Variants in EGFR observed in about 807,000 individuals in gnomAD.
EGFR encodes epidermal growth factor receptor, also known as avian erythroblastic leukemia viral (v-erb-b) oncogene homolog.
Under a neutral mutation model 143.0 loss-of-function variants are expected in EGFR, and 58 were observed. The ratio of observed to expected loss-of-function variants is 0.41; its 90% confidence interval spans 0.33 to 0.50. The LOEUF (loss-of-function observed/expected upper bound fraction) is 0.50. EGFR is among the 20% of genes least tolerant of loss of function. The pLI is 0.39. For synonymous variants in EGFR, 613 were observed against 594.4 expected (o/e 1.03, Z -0.45); for missense variants, 1,307 against 1,579.0 (o/e 0.83, Z 2.92).
chr7:55,172,857 T>C (rs1400735263), intron 16 of EGFR, 126 bp from the exon 17 acceptor site: 2 of 1,599,692 alleles, frequency 1.3e-6, no homozygotes, highest in East Asian at 2.2e-5. Context: ...AGCTACATAG[T>C]GTCTCACTTT....
At chr7:55,191,579 C>A (rs1254790936) in intron 20 of EGFR, 140 bp from the exon 21 acceptor site, 1 of 1,031,304 alleles carries the variant, frequency 9.7e-7, no homozygotes, top group Non-Finnish European at 1.5e-6. Flanking sequence ...TTCTTTGGAT[C>A]AGTAGTCACT....
intron 27 of EGFR, chr7:55,202,941 A>ATG (rs912260314): frequency 1.8e-5 from 11 of 614,152 alleles, no homozygotes; most frequent in East Asian, 2.8e-5. Context: ...ACATCTGTGT[A>ATG]TGTGTGTGTG....
At chr7:55,024,967 T>C (rs1786796299) in intron 1 of EGFR, among the ~76,000 whole-genome samples, 1 of 152,196 alleles carries the variant, frequency 6.6e-6, no homozygotes, top group African/African-American at 2.4e-5. Context: ...TTGAGCTATT[T>C]GGTTATATGA....
chr7:55,122,129 A>C (rs1793245138), intron 1 of EGFR, among the ~76,000 whole-genome samples: 1 of 152,150 alleles, frequency 6.6e-6, no homozygotes, highest in Non-Finnish European at 1.5e-5. Context: ...ACCCCACCAT[A>C]ACTGGGAAGG....
rs557796159 is a variant in EGFR, at chr7:55,144,210, C to T, written c.424+722C>T. Among the ~76,000 whole-genome samples the T allele has an allele frequency of 8.4e-4, 128 of 152,286 alleles. 1 individual carries two copies. Among genetic ancestry groups the T allele is most frequent in the African/African-American group, 2.9e-3 (121 of 41,560 alleles). On this transcript the variant is annotated intron_variant, in intron 3 of 27. Transcript: ENST00000275493. Reference sequence around the variant, plus strand: ...GATGGCATCCTATCTGGCTGGACCCCGCCGAGGGTGAAGGCGTCATTAGGT... The same window carrying T: ...GATGGCATCCTATCTGGCTGGACCCTGCCGAGGGTGAAGGCGTCATTAGGT...
At chr7:55,169,865 G>A (rs183948155) in intron 15 of EGFR, among the ~76,000 whole-genome samples, 3 of 152,324 alleles carry the variant, frequency 2.0e-5, no homozygotes, top group African/African-American at 7.2e-5. Context: ...CATTTTCAGA[G>A]CCTGCATAAG....
At chr7:55,036,173 T>C (rs1787557348) in intron 1 of EGFR, among the ~76,000 whole-genome samples, 1 of 150,408 alleles carries the variant, frequency 6.6e-6, no homozygotes, top group African/African-American at 2.4e-5. Flanking sequence ...CACTGATTCG[T>C]TGAACAAACC....
chr7:55,111,371 T>C (rs1243124261), intron 1 of EGFR, among the ~76,000 whole-genome samples: 1 of 85,378 alleles, frequency 1.2e-5, no homozygotes, highest in Non-Finnish European at 2.4e-5. Flanking sequence ...GACGTTTTGT[T>C]TTTTTTTTTT....
chr7:55,052,768 CGGGTGGGAATGGAG>C (rs1788563672), intron 1 of EGFR, among the ~76,000 whole-genome samples: 2 of 152,136 alleles, frequency 1.3e-5, no homozygotes, highest in African/African-American at 4.8e-5. Flanking sequence ...TCAAGGGCTC[CGGGTGGGAATGGAG>C]CTGGGGGCTG....
intron 21 of EGFR, 53 bp downstream of exon 21, chr7:55,191,927 C>G (rs2128964849): frequency 6.2e-7 from 1 of 1,608,472 alleles, no homozygotes; most frequent in Non-Finnish European, 8.5e-7. Flanking sequence ...AGGGACCAGG[C>G]TGCCTTCCCA....
chr7:55,152,411 G>A (rs1785202060), intron 5 of EGFR, 135 bp from the exon 6 acceptor site: 1 of 842,062 alleles, frequency 1.2e-6, no homozygotes, highest in Admixed American at 1.7e-5. Context: ...GTTTGACTTA[G>A]TTTGAATGTG....
intron 11 of EGFR, among the ~76,000 whole-genome samples, chr7:55,158,997 G>A (rs1266410737): frequency 6.6e-6 from 1 of 152,238 alleles, no homozygotes; most frequent in Non-Finnish European, 1.5e-5. Flanking sequence ...TTCATCCAGT[G>A]CTCTCAGCTG....
chr7:55,202,771 G>A (rs189075366), intron 27 of EGFR, 146 bp downstream of exon 27: 23 of 757,288 alleles, frequency 3.0e-5, no homozygotes, highest in South Asian at 1.6e-4. Flanking sequence ...AGTGAAGGGC[G>A]TAAGGAGCAG....
intron 22 of EGFR, among the ~76,000 whole-genome samples, chr7:55,196,557 C>G (rs1787627108): frequency 6.6e-6 from 1 of 152,096 alleles, no homozygotes. Flanking sequence ...GCTTTTGTTG[C>G]AATTGCTTGA....
At chr7:55,163,635 C>A in intron 13 of EGFR, 98 bp from the exon 14 acceptor site, 2 of 1,021,012 alleles carry the variant, frequency 2.0e-6, no homozygotes, top group East Asian at 2.4e-5. Context: ...AACTCCTTGA[C>A]CATTACCTCA....
intron 1 of EGFR, among the ~76,000 whole-genome samples, chr7:55,074,726 C>T (rs1790038740): frequency 6.6e-6 from 1 of 152,154 alleles, no homozygotes; most frequent in Non-Finnish European, 1.5e-5. Context: ...AGTGAAAGGA[C>T]ATTTTAAATC....
At chr7:55,036,379 T>A (rs1787586935) in intron 1 of EGFR, among the ~76,000 whole-genome samples, 1 of 151,408 alleles carries the variant, frequency 6.6e-6, no homozygotes, top group South Asian at 2.1e-4. Flanking sequence ...GTGTCCTAAA[T>A]GAGGGTCTTT....
chr7:55,080,191 G>A (rs1309821054), intron 1 of EGFR, among the ~76,000 whole-genome samples: 1 of 152,052 alleles, frequency 6.6e-6, no homozygotes, highest in African/African-American at 2.4e-5. Flanking sequence ...TGAGGTCAAG[G>A]TTCTTTTTTT....
At chr7:55,176,022 T>C (rs1786575541) in intron 19 of EGFR, among the ~76,000 whole-genome samples, 1 of 152,216 alleles carries the variant, frequency 6.6e-6, no homozygotes, top group Non-Finnish European at 1.5e-5. Flanking sequence ...TTGAGTCAAG[T>C]CCTAGTAACA....
Sources: gnomAD v4.1 joint callset for allele counts (sites outside exome capture counted in the v4.1 genomes callset) on GRCh38, gnomAD v4.1.1 for gene constraint, MANE v1.5 for transcripts, NCBI Gene and HGNC (gene_info 2026-07-23, HGNC 2026-07-21) for gene names.